The following SLCO4A1 variants were observed in gnomAD, a reference collection of about 807,000 sequenced individuals.
SLCO4A1 encodes the protein colon organic anion transporter.
Under a neutral mutation model 64.6 loss-of-function variants are expected in SLCO4A1, and 51 were observed. That is an observed-to-expected ratio of 0.79 (90% CI 0.63 to 1.00). The LOEUF is 1.00. SLCO4A1 is among the 50% of genes least tolerant of loss of function. The pLI, the probability that SLCO4A1 is intolerant of heterozygous loss-of-function variation, is 0.00. For missense variants in SLCO4A1, 919 were observed against 980.5 expected (o/e 0.94, Z 0.84); for synonymous variants, 471 against 444.9 (o/e 1.06, Z -0.74).
rs1365764311 is a variant in SLCO4A1, at chr20:62,671,851, C to T, written c.2127C>T (p.Ala709=). 1.9e-6 allele frequency: 3 copies of T among 1,613,458 alleles called. No individual in the cohort carries two copies. Among genetic ancestry groups the T allele is most frequent in the Non-Finnish European group, 1.7e-6 (2 of 1,180,038 alleles). ...CTTGTCTGCCCAGCCAGTCCTCAGC[C>T]CCTGACAGTGCCACAGATAGCCAGC... ...LETCLPSQSS[A]PDSATDSQLQ... The change falls in exon 12 of 12, where the codon GCC becomes GCT. Residue 709 remains alanine (A), a synonymous_variant. Coordinates refer to ENST00000217159, the MANE Select transcript of SLCO4A1 (RefSeq NM_016354.4).
Position 62,671,836 on chromosome 20 carries a change from C to T in SLCO4A1, c.2112C>T (p.Pro704=), listed in dbSNP as rs1360162581. 3.7e-6 allele frequency: 6 copies of T among 1,613,588 alleles called. No individual in the cohort carries two copies. Among genetic ancestry groups the T allele is most frequent in the East Asian group, 4.5e-5 (2 of 44,888 alleles). The change falls in exon 12 of 12, where the codon CCC becomes CCT. Residue 704 remains proline (P), a synonymous_variant. Transcript: ENST00000217159. ...CAGATGGCCTGGAAACTTGTCTGCC[C>T]AGCCAGTCCTCAGCCCCTGACAGTG... ...ESSDGLETCL[P]SQSSAPDSAT...
chr20:62,655,494 G>T (rs527735754), intron 1 of SLCO4A1, among the ~76,000 whole-genome samples: 8 of 152,240 alleles, frequency 5.3e-5, no homozygotes, highest in African/African-American at 9.6e-5. Flanking sequence ...TGGGCAGTAG[G>T]GGGGAGCTGT....
At position 62,661,402 on chromosome 20, in the gene SLCO4A1, C is replaced by T. The variant is rs926140659; in HGVS notation, c.1121+227C>T. ...CCGTGGGAGAGTCCCAGAGTGGGGC[C>T]GGGGCCTCGGCCCGCACCCAGGGAG... On this transcript the variant is annotated intron_variant, in intron 5 of 11. Transcript: ENST00000217159. This position sits in a 1 kb window ranked among gnomAD's most constrained non-coding sequence, Gnocchi z 5.2. 2.0e-5 allele frequency among the ~76,000 whole-genome samples: 3 copies of T among 152,088 alleles called. No homozygotes were observed. The highest frequency in any genetic ancestry group is 2.4e-5 in the African/African-American group (1 of 41,406).
chr20:62,670,601 G>C (rs962590001), intron 11 of SLCO4A1, among the ~76,000 whole-genome samples: 4 of 152,218 alleles, frequency 2.6e-5, no homozygotes, highest in Non-Finnish European at 5.9e-5. Context: ...CTGCGGATGA[G>C]GGGGCTGCTG....
downstream of SLCO4A1, among the ~76,000 whole-genome samples, chr20:62,674,250 C>T (rs7273739): frequency 0.034 from 5,152 of 152,228 alleles, 108 homozygotes; most frequent in South Asian, 0.07. Context: ...CACAGCTGGC[C>T]GCACCTGTCA....
intron 1 of SLCO4A1, among the ~76,000 whole-genome samples, chr20:62,652,425 C>T (rs543619885): frequency 8.5e-5 from 13 of 152,294 alleles, no homozygotes; most frequent in Non-Finnish European, 1.8e-4. Flanking sequence ...GGCCGGCGGC[C>T]GGTGGAGCCC....
chr20:62,689,619 TC>T (rs1335827238), downstream of SLCO4A1, among the ~76,000 whole-genome samples: 1 of 152,088 alleles, frequency 6.6e-6, no homozygotes, highest in Non-Finnish European at 1.5e-5. Flanking sequence ...AGCAGCTGTC[TC>T]CACCCCGCAT....
At chr20:62,668,783 C>A (rs886178873) in intron 10 of SLCO4A1, 147 bp from the exon 11 acceptor site, 1 of 854,010 alleles carries the variant, frequency 1.2e-6, no homozygotes, top group Non-Finnish European at 1.8e-6. Flanking sequence ...AAGAAAGGAA[C>A]GTTTAAGCCC....
downstream of SLCO4A1, among the ~76,000 whole-genome samples, chr20:62,674,558 A>G (rs4809474): frequency 0.99 from 150,891 of 152,296 alleles, 74,761 homozygotes; most frequent in South Asian, 1. Context: ...GCCAGTGGTC[A>G]AGATGGTCTC....
rs1986372900 is a variant in SLCO4A1, at chr20:62,666,544, A to G, written c.1441A>G (p.Met481Val). ...CTCACTGCACTGCCCCAGTGTGCCCATGGCGGGCGTCACAGCCAGCTACGG... is the reference window on the plus strand; with the variant it reads ...CTCACTGCACTGCCCCAGTGTGCCCGTGGCGGGCGTCACAGCCAGCTACGG... ...VFSLHCPSVP[M>V]AGVTASYGGS... Residue 481 changes from methionine (M) to valine (V), a missense_variant, in exon 7 of 12, where the codon ATG becomes GTG. Coordinates refer to ENST00000217159, the MANE Select transcript of SLCO4A1 (RefSeq NM_016354.4). The G allele has an allele frequency of 1.2e-6, 2 of 1,613,002 alleles. No homozygotes were observed. The highest frequency in any genetic ancestry group is 2.7e-5 in the African/African-American group (2 of 75,076).
downstream of SLCO4A1, among the ~76,000 whole-genome samples, chr20:62,673,015 C>T (rs530563906): frequency 1.4e-3 from 203 of 143,750 alleles, 20 homozygotes; most frequent in Middle Eastern, 3.6e-3. Context: ...CGGTCAAGAT[C>T]CCCCCCAAAT....
At chr20:62,681,375 G>A (rs545177631) in intron 2 of SLCO4A1, among the ~76,000 whole-genome samples, 41 of 152,200 alleles carry the variant, frequency 2.7e-4, no homozygotes, top group African/African-American at 8.2e-4. Context: ...ATACTCACTC[G>A]TGTGCGTGTG....
At chr20:62,658,228 C>A (rs182965435) in intron 2 of SLCO4A1, among the ~76,000 whole-genome samples, 10 of 152,352 alleles carry the variant, frequency 6.6e-5, no homozygotes, top group African/African-American at 2.2e-4. Context: ...AGAACCCAGG[C>A]GGGTGTTGAG....
downstream of SLCO4A1, among the ~76,000 whole-genome samples, chr20:62,673,006 G>A (rs769933999): frequency 2.6e-4 from 32 of 120,898 alleles, 4 homozygotes; most frequent in Non-Finnish European, 5.0e-4. Flanking sequence ...CCAATGCGTC[G>A]GTCAAGATCC....
chr20:62,647,479 G>A (rs970264366), intron 1 of SLCO4A1, among the ~76,000 whole-genome samples: 2 of 152,236 alleles, frequency 1.3e-5, no homozygotes, highest in African/African-American at 4.8e-5. Flanking sequence ...AGTGGGGCCT[G>A]GAAGCCGGGA....
rs1279870785 is a variant in SLCO4A1, at chr20:62,656,707, G to A, written c.253G>A (p.Ala85Thr). Residue 85 changes from alanine to threonine, a missense_variant, in exon 2 of 12, where the codon GCG becomes ACG. Physicochemically the swap from Ala to Thr is moderately conservative, Grantham distance 58. Coordinates refer to ENST00000217159, the MANE Select transcript of SLCO4A1 (RefSeq NM_016354.4). ...VRYVSAGQSVACGWWAFAPPC... is the reference protein window; with the variant it reads ...VRYVSAGQSVTCGWWAFAPPC... ...GTACGTCTCGGCCGGGCAGAGCGTG[G>A]CGTGCGGCTGGTGGGCCTTCGCACC... 1.2e-6 allele frequency: 2 copies of A among 1,610,474 alleles called. No homozygotes were observed. Among genetic ancestry groups the A allele is most frequent in the Admixed American group, 3.3e-5 (2 of 59,804 alleles).
chr20:62,673,252 GCAGGAA>G (rs1569152385), downstream of SLCO4A1, among the ~76,000 whole-genome samples: 2 of 142,274 alleles, frequency 1.4e-5, no homozygotes, highest in Non-Finnish European at 3.2e-5. Context: ...AGAAGGGAGT[GCAGGAA>G]CAGACCCTAG....
downstream of SLCO4A1, among the ~76,000 whole-genome samples, chr20:62,674,794 G>T (rs60533439): frequency 0.17 from 25,120 of 152,204 alleles, 2,116 homozygotes; most frequent in Middle Eastern, 0.22. Context: ...TCGTAGCCCT[G>T]TAACAGAGGA....
intron 7 of SLCO4A1, chr20:62,667,426 C>A: frequency 2.0e-5 from 6 of 304,834 alleles, no homozygotes; most frequent in Middle Eastern, 9.5e-4. Flanking sequence ...CTTTTTCTTT[C>A]CTAATGTTTG....
Sources: allele counts gnomAD v4.1 joint callset (sites outside exome capture counted in the v4.1 genomes callset), GRCh38; gene constraint gnomAD v4.1.1; non-coding constraint Gnocchi (gnomAD v3.1); transcripts MANE v1.5; gene names NCBI Gene and HGNC (gene_info 2026-07-23, HGNC 2026-07-21).